The following TNFAIP8 variants were observed in gnomAD, a reference collection of about 807,000 sequenced individuals.
TNFAIP8 encodes TNF alpha induced protein 8, also known as tumor necrosis factor alpha-induced protein 8.
A neutral mutation model predicts 13.3 loss-of-function variants in TNFAIP8; 7 were observed. The observed-to-expected ratio is 0.52, with a 90% CI of 0.30 to 0.99. The LOEUF is 0.99. Among genes scored for constraint, TNFAIP8 ranks in the 50% least tolerant of loss-of-function variants. TNFAIP8 has a pLI of 0.07. For synonymous variants in TNFAIP8, 94 were observed against 87.6 expected, an observed-to-expected ratio of 1.07 and a Z score of -0.41; for missense variants, 258 against 236.9, an observed-to-expected ratio of 1.09 and a Z score of -0.58.
At chr5:119,372,231 G>A (rs115293243) in intron 1 of TNFAIP8, among the ~76,000 whole-genome samples, 2,765 of 151,336 alleles carry the variant, frequency 0.018, 84 homozygotes, top group African/African-American at 0.063. Flanking sequence ...AGAAGGCTGA[G>A]GTGGATCACC....
At chr5:119,374,883 C>T (rs571860064) in intron 1 of TNFAIP8, among the ~76,000 whole-genome samples, 2 of 152,030 alleles carry the variant, frequency 1.3e-5, no homozygotes, top group Non-Finnish European at 2.9e-5. Context: ...TTTTTAAATA[C>T]TAATTACAGA....
chr5:119,398,207 T>G lies in TNFAIP8; in HGVS notation c.*4826T>G, dbSNP rs1480678554. On this transcript the variant is annotated 3_prime_UTR_variant, in exon 2 of 2. Transcript: ENST00000504771. ...ATTCTCCGCCTTCCCTGACATCAGC[T>G]GCATAACTGTATTTCTGCCTCGTGG... 1.3e-5 allele frequency: 2 copies of G among 152,234 alleles called. No individual in the cohort carries two copies. The highest frequency in any genetic ancestry group is 4.8e-5 in the African/African-American group (2 of 41,464). The allele number at this position is 152,234 out of a possible 1,614,324, so 9.4% of individuals were successfully genotyped here. A position where few individuals can be genotyped will look rare whatever the true frequency, so the allele number is the denominator to read the frequency against.
rs1244980907 is a variant in TNFAIP8 at position 119,396,420 on chromosome 5, C to G, written c.*3039C>G. 6.6e-6 allele frequency: 1 copy of G among 152,152 alleles called. No homozygotes were observed. The highest frequency in any genetic ancestry group is 2.4e-5 in the African/African-American group (1 of 41,432). 9.4% of individuals were successfully genotyped at this position (152,152 alleles called of 1,614,324 possible). On this transcript the variant is annotated 3_prime_UTR_variant, in exon 2 of 2. Transcript: ENST00000504771. ...CTTCACTTCTAGGTGCTCACAATGACTTTTAACGTTGACTTCTGAGGTGCA... is the reference window on the plus strand; with the variant it reads ...CTTCACTTCTAGGTGCTCACAATGAGTTTTAACGTTGACTTCTGAGGTGCA...
At chr5:119,306,314 C>CTTTTTT (rs1324521590) in intron 1 of TNFAIP8, 2 of 135,932 alleles carry the variant, frequency 1.5e-5, no homozygotes, top group African/African-American at 3.4e-5. Context: ...TTCTTTCTTT[C>CTTTTTT]TTTCTTTTTC....
chr5:119,378,623 C>T (rs1752369367), intron 1 of TNFAIP8, among the ~76,000 whole-genome samples: 1 of 152,188 alleles, frequency 6.6e-6, no homozygotes, highest in East Asian at 1.9e-4. Flanking sequence ...ATGGAAGATT[C>T]CAGAACATTT....
upstream of TNFAIP8, chr5:119,354,328 C>A: frequency 6.6e-6 from 1 of 152,286 alleles, no homozygotes. Context: ...CCTCTTCTCC[C>A]TTCTCTGGCT....
chr5:119,380,826 A>G (rs1752457118), intron 1 of TNFAIP8, among the ~76,000 whole-genome samples: 2 of 152,206 alleles, frequency 1.3e-5, no homozygotes, highest in South Asian at 4.1e-4. Flanking sequence ...TGGATACTTT[A>G]TCAAATTTTT....
At chr5:119,311,688 C>CAAAAAAAAAAAAAAAAAAAAAAAA (rs55965350) in intron 1 of TNFAIP8, among the ~76,000 whole-genome samples, 5 of 66,660 alleles carry the variant, frequency 7.5e-5, no homozygotes, top group African/African-American at 3.2e-4. Context: ...GACTCCGTCT[C>CAAAAAAAAAAAAAAAAAAAAAAAA]AAAAAAAAAA....
chr5:119,341,540 G>A (rs10053030), intron 1 of TNFAIP8, among the ~76,000 whole-genome samples: 24,027 of 152,070 alleles, frequency 0.16, 3,345 homozygotes, highest in African/African-American at 0.38. Flanking sequence ...AGTCTCAGAG[G>A]TACCGTATTT....
At chr5:119,312,875 A>G (rs1275026238) in intron 1 of TNFAIP8, among the ~76,000 whole-genome samples, 1 of 152,214 alleles carries the variant, frequency 6.6e-6, no homozygotes, top group Non-Finnish European at 1.5e-5. Flanking sequence ...AAATGTGGTA[A>G]TTAAAAGTTC....
rs73790836 is a variant in TNFAIP8, at chr5:119,367,498, A to G, written c.31+11377A>G. Among the ~76,000 whole-genome samples, 380 of 152,226 alleles carry G rather than the reference A, an allele frequency of 2.5e-3. 2 individuals carry two copies. Among genetic ancestry groups the G allele is most frequent in the African/African-American group, 8.8e-3 (365 of 41,542 alleles). On this transcript the variant is annotated intron_variant, in intron 1 of 1. Coordinates refer to ENST00000504771, the MANE Select transcript of TNFAIP8 (RefSeq NM_014350.4). ...TAATATTGTCTGTTGTTTCCTTTCTATTTTTTTAAATGGCACCATCTATCC... is the reference window on the plus strand; with the variant it reads ...TAATATTGTCTGTTGTTTCCTTTCTGTTTTTTTAAATGGCACCATCTATCC...
chr5:119,375,976 T>G (rs916505722), intron 1 of TNFAIP8, among the ~76,000 whole-genome samples: 6 of 152,188 alleles, frequency 3.9e-5, no homozygotes, highest in Admixed American at 1.3e-4. Flanking sequence ...TATTCAGTAG[T>G]TTTTGCCAGT....
At chr5:119,272,290 C>G (rs1178904805) in intron 1 of TNFAIP8, among the ~76,000 whole-genome samples, 1 of 152,188 alleles carries the variant, frequency 6.6e-6, no homozygotes, top group African/African-American at 2.4e-5. Flanking sequence ...ACCATTCATT[C>G]ACACAGCAGG....
intron 1 of TNFAIP8, among the ~76,000 whole-genome samples, chr5:119,293,066 A>G (rs74572531): frequency 6.6e-6 from 1 of 151,870 alleles, no homozygotes; most frequent in East Asian, 1.9e-4. Context: ...TTTGTTTTTA[A>G]ATTTTACTTT....
intron 1 of TNFAIP8, among the ~76,000 whole-genome samples, chr5:119,293,254 T>C (rs182933961): frequency 4.9e-4 from 75 of 152,244 alleles, no homozygotes; most frequent in Admixed American, 4.1e-3. Context: ...AAATGTACAA[T>C]AGATTGTTAT....
chr5:119,319,142 C>T (rs1427522299), intron 1 of TNFAIP8, among the ~76,000 whole-genome samples: 2 of 152,144 alleles, frequency 1.3e-5, no homozygotes, highest in African/African-American at 4.8e-5. Context: ...GGTGTGGTGG[C>T]TGACACCTAT....
intron 1 of TNFAIP8, among the ~76,000 whole-genome samples, chr5:119,298,073 G>T (rs10076125): frequency 6.7e-6 from 1 of 149,290 alleles, no homozygotes; most frequent in Non-Finnish European, 1.5e-5. Flanking sequence ...TTGCCAGTCT[G>T]TGTCTTTTAA....
At chr5:119,308,177 C>A (rs549882604) in intron 1 of TNFAIP8, among the ~76,000 whole-genome samples, 1 of 152,244 alleles carries the variant, frequency 6.6e-6, no homozygotes, top group South Asian at 2.1e-4. Context: ...TACAGGAAGG[C>A]ACACTAGTTG....
chr5:119,351,555 TTGAG>T (rs1363646324), upstream of TNFAIP8, among the ~76,000 whole-genome samples: 1 of 152,058 alleles, frequency 6.6e-6, no homozygotes, highest in Non-Finnish European at 1.5e-5. Flanking sequence ...AGCTATGGTG[TTGAG>T]TATGTTAGGT....
Sources: gnomAD v4.1 joint callset for allele counts (sites outside exome capture counted in the v4.1 genomes callset) on GRCh38, gnomAD v4.1.1 for gene constraint, MANE v1.5 for transcripts, NCBI Gene and HGNC (gene_info 2026-07-23, HGNC 2026-07-21) for gene names.